Variants in NFAT5 observed in about 807,000 individuals in gnomAD.
The protein encoded by NFAT5 is nuclear factor of activated T cells 5, also known as nuclear factor of activated T-cells 5.
Under a neutral mutation model 166.5 loss-of-function variants are expected in NFAT5, and 31 were observed. The observed-to-expected ratio is 0.19, with a 90% CI of 0.14 to 0.25. The LOEUF (loss-of-function observed/expected upper bound fraction) is 0.25, where lower values mean the gene tolerates loss of function less well. Ranked by LOEUF, NFAT5 falls within the 10% of genes least tolerant of loss-of-function variation. The pLI is 1.00. For synonymous variants in NFAT5, 612 were observed against 639.7 expected, an observed-to-expected ratio of 0.96 and a Z score of 0.65; for missense variants, 1,449 against 1,821.8, an observed-to-expected ratio of 0.80 and a Z score of 3.72.
chr16:69,605,775 G>A (rs967016774), intron 2 of NFAT5, among the ~76,000 whole-genome samples: 2 of 151,720 alleles, frequency 1.3e-5, no homozygotes, highest in African/African-American at 2.4e-5. Flanking sequence ...CTGCAGTGGC[G>A]CAATCTCGGC....
chr16:69,693,251 T>G lies in NFAT5; in HGVS notation c.3426T>G (p.Ala1142=), dbSNP rs2037627326. 6.2e-7 allele frequency: 1 copy of G among 1,614,248 alleles called. No homozygotes were observed. Among genetic ancestry groups the G allele is most frequent in the South Asian group, 1.1e-5 (1 of 91,084 alleles). ...TGTTTCACTCTCAAAGTACCATTGC[T>G]GTGTTACAGGGCTCTTCAGTTCCTC... ...PPMFHSQSTI[A]VLQGSSVPQD... is the part of the protein sequence containing the mutation. The change falls in exon 13 of 15, where the codon GCT becomes GCG. Residue 1142 remains alanine, a synonymous_variant. Transcript: ENST00000349945.
In NFAT5 at chr16:69,697,755, T is replaced by C. The variant is rs1326732570; in HGVS notation, c.*1404T>C. 6.6e-6 allele frequency: 1 copy of C among 152,644 alleles called. No individual in the cohort carries two copies. 9.5% of individuals were successfully genotyped at this position (152,644 alleles called of 1,614,324 possible). On this transcript the variant is annotated 3_prime_UTR_variant, in exon 15 of 15. Transcript: ENST00000349945. The stretch of plus-strand genomic sequence containing the variant: ...GATGCCTGCTTCTCACTACCACCTG[T>C]GTCTGGACACATGCTTATGTCTCAT...
chr16:69,694,349 G>A, intron 13 of NFAT5, 110 bp downstream of exon 13: 1 of 811,982 alleles, frequency 1.2e-6, no homozygotes, highest in African/African-American at 1.7e-5. Context: ...CTGCCTCCCA[G>A]GTTCAGGTGA....
intron 3 of NFAT5, among the ~76,000 whole-genome samples, chr16:69,645,348 A>G (rs2035392599): frequency 6.6e-6 from 1 of 152,202 alleles, no homozygotes; most frequent in African/African-American, 2.4e-5. Context: ...ACATACTGGA[A>G]AATGGAACTG....
intron 2 of NFAT5, among the ~76,000 whole-genome samples, chr16:69,619,813 A>G (rs952206633): frequency 6.6e-6 from 1 of 152,206 alleles, no homozygotes; most frequent in Non-Finnish European, 1.5e-5. Context: ...AGAGTGCCCA[A>G]CTGAGAAGAA....
rs1567514469 is a variant in NFAT5 at position 69,579,267 on chromosome 16, G to T, written c.127+10719G>T. On this transcript the variant is annotated intron_variant, in intron 2 of 14. Transcript: ENST00000349945. ...TAAATTATATTCTCTGGAATATTGGGCTAACGTAGGGTGAATGGATGGGAA... is the reference window on the plus strand; with the variant it reads ...TAAATTATATTCTCTGGAATATTGGTCTAACGTAGGGTGAATGGATGGGAA... 2.0e-5 allele frequency among the ~76,000 whole-genome samples: 3 copies of T among 152,056 alleles called. No individual in the cohort carries two copies. The East Asian group carries it at 5.8e-4, about 29-fold the overall frequency.
At chr16:69,613,765 T>G (rs2033811521) in intron 2 of NFAT5, among the ~76,000 whole-genome samples, 1 of 152,226 alleles carries the variant, frequency 6.6e-6, no homozygotes, top group African/African-American at 2.4e-5. Flanking sequence ...ACTGCATTAT[T>G]TTAAACTTGA....
At chr16:69,694,895 G>A (rs184601832) in intron 13 of NFAT5, among the ~76,000 whole-genome samples, 1 of 152,174 alleles carries the variant, frequency 6.6e-6, no homozygotes, top group South Asian at 2.1e-4. Flanking sequence ...AAGCAAAGTT[G>A]TATTTTTAGA....
At chr16:69,658,449 C>T (rs2035984312) in intron 6 of NFAT5, among the ~76,000 whole-genome samples, 1 of 150,926 alleles carries the variant, frequency 6.6e-6, no homozygotes, top group Admixed American at 6.6e-5. Flanking sequence ...CAACATTGTG[C>T]TCCAGCCTGG....
intron 1 of NFAT5, among the ~76,000 whole-genome samples, 153 bp from the exon 2 acceptor site, chr16:69,568,342 A>ATGTGTGTGTGTGTGTG (rs1490882720): frequency 7.7e-4 from 37 of 47,916 alleles, no homozygotes; most frequent in South Asian, 2.7e-3. Flanking sequence ...GTGTATATAT[A>ATGTGTGTGTGTGTGTG]TATATGTGTG....
intron 11 of NFAT5, 158 bp from the exon 12 acceptor site, chr16:69,690,782 G>C: frequency 2.1e-6 from 1 of 484,294 alleles, no homozygotes; most frequent in East Asian, 3.6e-5. Context: ...TTCATAAAAG[G>C]GAAGATATAT....
chr16:69,698,340 A>G lies in NFAT5; in HGVS notation c.*1989A>G, dbSNP rs900043017. On this transcript the variant is annotated 3_prime_UTR_variant, in exon 15 of 15. Coordinates refer to ENST00000349945, the MANE Select transcript of NFAT5 (RefSeq NM_138713.4). ...TTTTGTATTTAGGAAATGGTATACT[A>G]TTTTGCTATTTGTACTGAGTGAGTA... The G allele has an allele frequency of 9.8e-5, 15 of 152,332 alleles. No homozygotes were observed. Among genetic ancestry groups the G allele is most frequent in the African/African-American group, 3.4e-4 (14 of 41,372 alleles). The allele number at this position is 152,332 out of a possible 1,614,324, so 9.4% of individuals were successfully genotyped here. A position where few individuals can be genotyped will look rare whatever the true frequency, so the allele number is the denominator to read the frequency against.
intron 10 of NFAT5, among the ~76,000 whole-genome samples, chr16:69,678,903 T>C (rs1327870771): frequency 1.3e-5 from 2 of 152,188 alleles, no homozygotes; most frequent in Non-Finnish European, 2.9e-5. Context: ...TTAATTGCTT[T>C]CTGTCACTTA....
intron 10 of NFAT5, among the ~76,000 whole-genome samples, chr16:69,680,689 CT>C: frequency 6.6e-6 from 1 of 152,246 alleles, no homozygotes; most frequent in East Asian, 1.9e-4. Flanking sequence ...AATCTAATGT[CT>C]TAGCTTCTGC....
chr16:69,567,193 G>T (rs1480280178), intron 1 of NFAT5, among the ~76,000 whole-genome samples: 28 of 152,188 alleles, frequency 1.8e-4, no homozygotes, highest in Admixed American at 1.8e-3. Context: ...CCGTTCAAGG[G>T]CTGGTTGCAG....
chr16:69,634,270 C>T (rs866221935), intron 3 of NFAT5, among the ~76,000 whole-genome samples: 5 of 118,910 alleles, frequency 4.2e-5, no homozygotes, highest in Admixed American at 9.3e-5. Context: ...AGTGAGATTC[C>T]GACTCACAAA....
chr16:69,665,186 T>G (rs2036316762), intron 7 of NFAT5, among the ~76,000 whole-genome samples: 1 of 152,094 alleles, frequency 6.6e-6, no homozygotes, highest in African/African-American at 2.4e-5. Flanking sequence ...TTATCTTGAA[T>G]CTATGACAAA....
At chr16:69,635,627 G>C (rs2034931377) in intron 3 of NFAT5, among the ~76,000 whole-genome samples, 1 of 152,106 alleles carries the variant, frequency 6.6e-6, no homozygotes. Flanking sequence ...TCAGAATCAT[G>C]GCAGGAGGCA....
rs1188158260 is a variant in NFAT5, at chr16:69,688,202, C to CAAAAAAA, written c.1775-2720_1775-2714dup. ...TGGGCGACAGAGCGAGACTCCGTCT[C>CAAAAAAA]AAAAAAAAAAAAAAAAAAAAAAAAC... On this transcript the variant is annotated intron_variant, in intron 11 of 14. Transcript: ENST00000349945. Among the ~76,000 whole-genome samples, 156 of 49,480 alleles carry CAAAAAAA rather than the reference C, an allele frequency of 3.2e-3. 6 individuals carry two copies. Among genetic ancestry groups the CAAAAAAA allele is most frequent in the Non-Finnish European group, 5.0e-3 (118 of 23,736 alleles). The allele number at this position is 49,480 out of a possible 152,430, so 32.5% of individuals were successfully genotyped here. A position where few individuals can be genotyped will look rare whatever the true frequency, so the allele number is the denominator to read the frequency against.
Sources: gnomAD v4.1 joint callset for allele counts (sites outside exome capture counted in the v4.1 genomes callset) on GRCh38, gnomAD v4.1.1 for gene constraint, MANE v1.5 for transcripts, NCBI Gene and HGNC (gene_info 2026-07-23, HGNC 2026-07-21) for gene names.